The following TMEM165 variants were observed in gnomAD, a reference collection of about 807,000 sequenced individuals.
The protein encoded by TMEM165 is putative divalent cation/proton antiporter TMEM165.
In TMEM165, 19 loss-of-function variants were observed where a neutral mutation model predicts 30.0. That is an observed-to-expected ratio of 0.63 (90% CI 0.44 to 0.93). The LOEUF (loss-of-function observed/expected upper bound fraction) is 0.93. Ranked by LOEUF, TMEM165 falls within the 40% of genes least tolerant of loss-of-function variation. The pLI is 0.00. For missense variants in TMEM165, 340 were observed against 417.0 expected (o/e 0.82, Z 1.61); for synonymous variants, 168 against 162.9 (o/e 1.03, Z -0.24).
chr4:55,452,295 G>A (rs6849474), exon 4 of TMEM165: 46,117 of 151,990 alleles, frequency 0.3, 7,616 homozygotes, highest in East Asian at 0.58. Flanking sequence ...AGGTCACCTG[G>A]AAAGGAACTG....
rs557471661 is a variant in TMEM165, at chr4:55,431,496, G to A, written c.408+6853G>A. ...TTTCTCCAAACACTTAAAATGGCAA[G>A]TGCCTTTGTGCTGTTTCTTCTCTAC... On this transcript the variant is annotated intron_variant, in intron 3 of 3. Coordinates refer to the TMEM165 transcript ENST00000608091. 3.3e-5 allele frequency: 5 copies of A among 152,270 alleles called. No homozygotes were observed. In the South Asian group the frequency reaches 1.0e-3, roughly 32 times the overall value. The allele number at this position is 152,270 out of a possible 1,614,324, so 9.4% of individuals were successfully genotyped here. A position where few individuals can be genotyped will look rare whatever the true frequency, so the allele number is the denominator to read the frequency against.
chr4:55,450,319 T>A, intron 3 of TMEM165: 1 of 1,525,688 alleles, frequency 6.6e-7, no homozygotes, highest in Admixed American at 1.7e-5. Flanking sequence ...AACAAAAAAA[T>A]CAGTTTTTGT....
intron 3 of TMEM165, among the ~76,000 whole-genome samples, chr4:55,441,926 A>C (rs1723405087): frequency 6.6e-6 from 1 of 152,202 alleles, no homozygotes. Flanking sequence ...TCATCACCTT[A>C]ACTAGCTATA....
In TMEM165 at chr4:55,424,602, T is replaced by A; in HGVS notation, c.857T>A (p.Ile286Asn). 1 of 1,613,752 alleles carries A rather than the reference T, an allele frequency of 6.2e-7. No individual in the cohort carries two copies. The highest frequency in any genetic ancestry group is 8.5e-7 in the Non-Finnish European group (1 of 1,179,656). ...TGCCTGTGCACGGGATTGGCAGTAA[T>A]TGGAGGAAGAATGATAGCACAGAAA... ...GHCLCTGLAV[I>N]GGRMIAQKIS... Residue 286 changes from isoleucine (I) to asparagine (N), a missense_variant, in exon 5 of 6, where the codon ATT becomes AAT. Physicochemically the swap from Ile to Asn is moderately radical, Grantham distance 149 (BLOSUM62 -3). Coordinates refer to ENST00000381334, the MANE Select transcript of TMEM165 (RefSeq NM_018475.5).
chr4:55,402,569 T>A (rs914102401), intron 1 of TMEM165, among the ~76,000 whole-genome samples: 2 of 137,206 alleles, frequency 1.5e-5, no homozygotes, highest in African/African-American at 2.9e-5. Flanking sequence ...TGCCTCAGCC[T>A]CCAGAGTGGC....
intron 1 of TMEM165, among the ~76,000 whole-genome samples, chr4:55,404,302 A>G (rs989569128): frequency 2.6e-5 from 4 of 151,964 alleles, no homozygotes; most frequent in Admixed American, 6.6e-5. Flanking sequence ...GGCGTGAGCC[A>G]CCATGCCCAG....
intron 3 of TMEM165, among the ~76,000 whole-genome samples, chr4:55,446,561 G>A (rs1378873704): frequency 2.0e-5 from 3 of 152,114 alleles, no homozygotes; most frequent in African/African-American, 7.2e-5. Context: ...GATAAGTATA[G>A]AACATGGGCT....
At chr4:55,440,468 C>T (rs1176142080) in intron 3 of TMEM165, among the ~76,000 whole-genome samples, 6 of 152,152 alleles carry the variant, frequency 3.9e-5, no homozygotes, top group Admixed American at 3.9e-4. Flanking sequence ...ATGACACTAA[C>T]ATAGATGTGG....
intron 3 of TMEM165, chr4:55,449,388 G>C (rs746034427): frequency 9.3e-6 from 15 of 1,607,424 alleles, no homozygotes; most frequent in Non-Finnish European, 1.3e-5. Flanking sequence ...ATCCACTAAA[G>C]AGCTTACCTG....
downstream of TMEM165, chr4:55,427,907 T>G (rs573579010): frequency 4.6e-5 from 7 of 152,366 alleles, no homozygotes; most frequent in South Asian, 1.4e-3. Flanking sequence ...ATGTCATTGA[T>G]AGTGATCTTA....
intron 1 of TMEM165, among the ~76,000 whole-genome samples, chr4:55,400,154 T>G: frequency 7.5e-6 from 1 of 133,436 alleles, no homozygotes; most frequent in East Asian, 2.0e-4. Context: ...CTTGTCTTGT[T>G]TTTATTTTAT....
chr4:55,429,492 AGGACCAAGT>A (rs1025396254), downstream of TMEM165: 7 of 152,192 alleles, frequency 4.6e-5, no homozygotes, highest in African/African-American at 1.7e-4. Context: ...TTGTTTTCAA[AGGACCAAGT>A]AACTTGACAC....
chr4:55,404,896 A>G (rs893007736), intron 1 of TMEM165, among the ~76,000 whole-genome samples: 6 of 152,368 alleles, frequency 3.9e-5, no homozygotes, highest in African/African-American at 1.4e-4. Flanking sequence ...TTCCTGTATT[A>G]AAACTTAAAA....
Position 55,446,547 on chromosome 4 carries a change from C to G in TMEM165, c.409-5692C>G, listed in dbSNP as rs111299208. 3.8e-3 allele frequency among the ~76,000 whole-genome samples: 583 copies of G among 152,192 alleles called. 4 individuals are homozygous for G. The highest frequency in any genetic ancestry group is 0.013 in the African/African-American group (536 of 41,526). On this transcript the variant is annotated intron_variant, in intron 3 of 3. Coordinates refer to the TMEM165 transcript ENST00000608091. ...ACTTTTATCTTCAATGGAAACTATCCTCAGATAAGTATAGAACATGGGCTT... is the reference window on the plus strand; with the variant it reads ...ACTTTTATCTTCAATGGAAACTATCGTCAGATAAGTATAGAACATGGGCTT...
downstream of TMEM165, among the ~76,000 whole-genome samples, chr4:55,427,252 G>C (rs1722253361): frequency 6.6e-6 from 1 of 151,514 alleles, no homozygotes; most frequent in Non-Finnish European, 1.5e-5. Context: ...TGGCCAGGCT[G>C]GTCTCGAACT....
chr4:55,429,224 T>C (rs1722365133), downstream of TMEM165: 1 of 152,226 alleles, frequency 6.6e-6, no homozygotes, highest in Non-Finnish European at 1.5e-5. Flanking sequence ...AGCTTTTATT[T>C]GAAAACGTAT....
intron 3 of TMEM165, among the ~76,000 whole-genome samples, chr4:55,440,971 C>T (rs1560414052): frequency 1.3e-5 from 2 of 151,600 alleles, no homozygotes; most frequent in Admixed American, 6.6e-5. Context: ...CTTACAAAAA[C>T]AAAACAAAAC....
intron 3 of TMEM165, among the ~76,000 whole-genome samples, chr4:55,437,064 G>A (rs538534312): frequency 8.2e-4 from 125 of 151,940 alleles, no homozygotes; most frequent in African/African-American, 2.9e-3. Flanking sequence ...TTAAATTGTT[G>A]TTATTTCTTT....
At chr4:55,410,108 CTCTT>C (rs1202570360) in intron 1 of TMEM165, among the ~76,000 whole-genome samples, 1 of 152,116 alleles carries the variant, frequency 6.6e-6, no homozygotes, top group South Asian at 2.1e-4. Context: ...CCCTCCTTTT[CTCTT>C]TCTTCTTATT....
Sources: gnomAD v4.1 joint callset for allele counts (sites outside exome capture counted in the v4.1 genomes callset) on GRCh38, gnomAD v4.1.1 for gene constraint, MANE v1.5 for transcripts, NCBI Gene and HGNC (gene_info 2026-07-23, HGNC 2026-07-21) for gene names.